The following SH3PXD2A variants were observed in gnomAD, a reference collection of about 807,000 sequenced individuals.
SH3PXD2A encodes SH3 and PX domain-containing protein 2A.
Under a neutral mutation model 115.2 loss-of-function variants are expected in SH3PXD2A, and 32 were observed. The ratio of observed to expected loss-of-function variants is 0.28; its 90% CI spans 0.21 to 0.37. SH3PXD2A has a LOEUF of 0.37. SH3PXD2A is among the 10% of genes least tolerant of loss of function. The pLI is 1.00. For missense variants in SH3PXD2A, 1,328 were observed against 1,498.7 expected (o/e 0.89, Z 1.88); for synonymous variants, 610 against 629.1 (o/e 0.97, Z 0.45).
chr10:103,800,774 A>G (rs1301834155), intron 2 of SH3PXD2A, among the ~76,000 whole-genome samples: 1 of 152,108 alleles, frequency 6.6e-6, no homozygotes, highest in Admixed American at 6.5e-5. Context: ...CACACCTACC[A>G]CGTACATGTA....
intron 6 of SH3PXD2A, among the ~76,000 whole-genome samples, chr10:103,689,582 T>C (rs1408318629): frequency 1.3e-5 from 2 of 152,100 alleles, no homozygotes; most frequent in Non-Finnish European, 2.9e-5. Flanking sequence ...AGAGAACCAC[T>C]TGAACCCAGG....
At chr10:103,634,209 TGAA>T (rs1222637643) in intron 8 of SH3PXD2A, among the ~76,000 whole-genome samples, 27 of 152,052 alleles carry the variant, frequency 1.8e-4, no homozygotes, top group Admixed American at 1.2e-3. Flanking sequence ...TCCCCAAGAA[TGAA>T]GAAGAGGAGA....
chr10:103,811,652 C>T (rs1027439152), intron 1 of SH3PXD2A, among the ~76,000 whole-genome samples: 11 of 152,186 alleles, frequency 7.2e-5, no homozygotes, highest in Non-Finnish European at 2.9e-5. Context: ...GTCCCTGCCA[C>T]AAGATTTGCC....
chr10:103,685,190 T>G (rs896199094), intron 6 of SH3PXD2A, among the ~76,000 whole-genome samples: 1 of 151,698 alleles, frequency 6.6e-6, no homozygotes, highest in Non-Finnish European at 1.5e-5. Flanking sequence ...ATACAAAAAA[T>G]TAGCTGGGCA....
intron 6 of SH3PXD2A, among the ~76,000 whole-genome samples, chr10:103,670,420 C>T (rs2037440992): frequency 6.6e-6 from 1 of 152,162 alleles, no homozygotes; most frequent in Non-Finnish European, 1.5e-5. Flanking sequence ...ACTACATAGT[C>T]AGTGCTTGAT....
chr10:103,613,194 T>TG lies in SH3PXD2A; in HGVS notation c.921-5dup. 1 of 1,586,284 alleles carries TG rather than the reference T, an allele frequency of 6.3e-7. No individual in the cohort carries two copies. The highest frequency in any genetic ancestry group is 1.8e-5 in the Admixed American group (1 of 55,950). On this transcript the variant is annotated splice_polypyrimidine_tract_variant and splice_region_variant and intron_variant, in intron 11 of 14. Transcript: ENST00000369774. Reference sequence around the variant, plus strand: ...CCAGCCCTCTTTGCCCAGGTATCTGTGGGGAGGAGCAGGATGTGCTATCAT... The same window carrying TG: ...CCAGCCCTCTTTGCCCAGGTATCTGTGGGGGAGGAGCAGGATGTGCTATCAT...
rs201832050 is a variant in SH3PXD2A, at chr10:103,612,911, G to A, written c.1200C>T (p.Ser400=). ...CAGCTGGAGAGCCCTGGGCCAGCCT[G>A]GAGACAGTCCTGTCAGGAACGCCCA... ...SAVGVPDRTV[S]RLAQGSPAVA... Residue 400 remains serine, a synonymous_variant, in exon 12 of 15, where the codon TCC becomes TCT. Transcript: ENST00000369774. 6.2e-7 allele frequency: 1 copy of A among 1,610,712 alleles called. No individual in the cohort carries two copies. Among genetic ancestry groups the A allele is most frequent in the Non-Finnish European group, 8.5e-7 (1 of 1,178,428 alleles).
chr10:103,832,200 G>C (rs796483318), intron 1 of SH3PXD2A, among the ~76,000 whole-genome samples: 8 of 152,128 alleles, frequency 5.3e-5, no homozygotes, highest in African/African-American at 1.9e-4. Flanking sequence ...GAATTTGGGG[G>C]CTGTTTGTTC....
chr10:103,675,443 C>T (rs2037520410), intron 6 of SH3PXD2A, among the ~76,000 whole-genome samples: 1 of 151,928 alleles, frequency 6.6e-6, no homozygotes, highest in Admixed American at 6.6e-5. Flanking sequence ...AGACAGAAAG[C>T]AAATCCCAAA....
intron 3 of SH3PXD2A, among the ~76,000 whole-genome samples, chr10:103,738,493 T>A (rs917192510): frequency 6.6e-6 from 1 of 151,972 alleles, no homozygotes; most frequent in Admixed American, 6.5e-5. Flanking sequence ...AGCTGAGGGA[T>A]GCCCAGACCC....
At chr10:103,631,090 C>A (rs930930048) in intron 8 of SH3PXD2A, among the ~76,000 whole-genome samples, 18 of 152,144 alleles carry the variant, frequency 1.2e-4, no homozygotes, top group African/African-American at 4.3e-4. Context: ...CAAAGTGAGA[C>A]CCTATCTCTA....
chr10:103,830,652 C>G (rs1228251411), intron 1 of SH3PXD2A, among the ~76,000 whole-genome samples: 2 of 152,090 alleles, frequency 1.3e-5, no homozygotes, highest in Non-Finnish European at 2.9e-5. Context: ...ATGCAGCAGT[C>G]AGAAGCAATA....
At chr10:103,605,598 G>A (rs2036288240) in intron 14 of SH3PXD2A, among the ~76,000 whole-genome samples, 200 bp downstream of exon 14, 1 of 152,226 alleles carries the variant, frequency 6.6e-6, no homozygotes, top group Admixed American at 6.5e-5. Context: ...AGCTCAGGGT[G>A]GAGCGTGAGA....
chr10:103,640,081 G>A (rs1444576998), intron 8 of SH3PXD2A, among the ~76,000 whole-genome samples: 2 of 152,204 alleles, frequency 1.3e-5, no homozygotes, highest in Non-Finnish European at 2.9e-5. Flanking sequence ...TTGGGAGGCC[G>A]AGGCGGGCGG....
chr10:103,624,045 G>A (rs952647915), intron 9 of SH3PXD2A, among the ~76,000 whole-genome samples: 7 of 152,242 alleles, frequency 4.6e-5, no homozygotes, highest in African/African-American at 1.4e-4. Context: ...GGGAGACAGA[G>A]GCACAGGGCT....
At position 103,601,930 on chromosome 10, in the gene SH3PXD2A, C is replaced by T. The variant is rs146300680; in HGVS notation, c.3288G>A (p.Val1096=). Residue 1096 remains valine, a synonymous_variant, in exon 15 of 15, where the codon GTG becomes GTA. Transcript: ENST00000369774. ...DEETAGFQEG[V]SMEVLERNPN... is the part of the protein sequence containing the mutation. The stretch of plus-strand genomic sequence containing the variant: ...GGTTCCTCTCCAGAACCTCCATGGA[C>T]ACCCCCTCCTGGAAGCCTGCTGTCT... 5.0e-5 allele frequency: 80 copies of T among 1,613,942 alleles called. No individual in the cohort carries two copies. The highest frequency in any genetic ancestry group is 6.6e-5 in the Non-Finnish European group (78 of 1,179,938).
Position 103,602,057 on chromosome 10 carries a change from G to A in SH3PXD2A, c.3161C>T (p.Pro1054Leu). The change falls in exon 15 of 15, where the codon CCC (proline) becomes CTC (leucine). Residue 1054 changes from proline to leucine, a missense_variant. Physicochemically the swap from Pro to Leu is moderately conservative, Grantham distance 98. Around this residue, in one of 5 missense-constraint regions of SH3PXD2A, gnomAD observed 574 missense variants for 565.7 expected, o/e 1.01. Coordinates refer to ENST00000369774, the MANE Select transcript of SH3PXD2A (RefSeq NM_001394015.1). ...GGGCTTGGGGCGCACAGGGGACACGGGTATGCTGTTGCGCTGGGCGGGCAG... is the reference window on the plus strand; with the variant it reads ...GGGCTTGGGGCGCACAGGGGACACGAGTATGCTGTTGCGCTGGGCGGGCAG... ...PLLPAQRNSIPVSPVRPKPIE... is the reference protein window; with the variant it reads ...PLLPAQRNSILVSPVRPKPIE... 1.2e-6 allele frequency: 2 copies of A among 1,607,746 alleles called. No individual in the cohort carries two copies. Among genetic ancestry groups the A allele is most frequent in the Non-Finnish European group, 1.7e-6 (2 of 1,176,142 alleles).
intron 3 of SH3PXD2A, among the ~76,000 whole-genome samples, chr10:103,766,111 G>A (rs894153222): frequency 2.6e-5 from 4 of 152,234 alleles, no homozygotes; most frequent in Admixed American, 2.0e-4. Context: ...GAGAGGAGCC[G>A]CTCTCTGAGG....
At chr10:103,725,458 G>A (rs542222395) in intron 4 of SH3PXD2A, among the ~76,000 whole-genome samples, 25 of 152,272 alleles carry the variant, frequency 1.6e-4, no homozygotes, top group African/African-American at 2.2e-4. Context: ...TGGCAAGTGC[G>A]TGGGCCAGCT....
Sources: gnomAD v4.1 joint callset for allele counts (sites outside exome capture counted in the v4.1 genomes callset) on GRCh38, gnomAD v4.1.1 for gene constraint, gnomAD v4.1.1 regional missense constraint, MANE v1.5 for transcripts, NCBI Gene and HGNC (gene_info 2026-07-23, HGNC 2026-07-21) for gene names.